Variants in ZNF331 observed in about 807,000 individuals in gnomAD.
ZNF331 encodes the protein zinc finger protein 331, also known as C2H2-like zinc finger protein rearranged in thyroid adenomas.
ZNF331 carries 2 observed loss-of-function variants against 7.0 expected under a neutral mutation model. The ratio of observed to expected loss-of-function variants is 0.29; its 90% CI spans 0.12 to 0.90. The LOEUF is 0.90. Ranked by LOEUF, ZNF331 falls within the 40% of genes least tolerant of loss-of-function variation. The pLI is 0.58. For synonymous variants in ZNF331, 196 were observed against 205.4 expected, an observed-to-expected ratio of 0.95 and a Z score of 0.39; for missense variants, 432 against 587.7, an observed-to-expected ratio of 0.74 and a Z score of 2.74.
At chr19:53,533,755 C>G (rs146144506), upstream of ZNF331, among the ~76,000 whole-genome samples, 404 of 152,234 alleles carry the variant, frequency 2.7e-3, 4 homozygotes, top group African/African-American at 9.0e-3. Context: ...TCTTTCTCTT[C>G]TTATAGTTTT....
At position 53,560,731 on chromosome 19, in the gene ZNF331, C is replaced by T. The variant is rs1474296373; in HGVS notation, c.-74+4823C>T. Among the ~76,000 whole-genome samples, 1 of 152,160 alleles carries T rather than the reference C, an allele frequency of 6.6e-6. No homozygotes were observed. The highest frequency in any genetic ancestry group is 1.5e-5 in the Non-Finnish European group (1 of 68,022). On this transcript the variant is annotated intron_variant, in intron 3 of 5. Coordinates refer to ENST00000449416, the MANE Select transcript of ZNF331 (RefSeq NM_001079906.2). This position sits in a 1 kb window ranked among gnomAD's most constrained non-coding sequence, Gnocchi z 4.3. ...CTTAGTTCGTGACCCCTTCTTCCAT[C>T]AGCAAAGCCTGAAAAGACAAGTCCT...
chr19:53,568,203 C>T (rs1461114925), intron 3 of ZNF331, among the ~76,000 whole-genome samples: 1 of 151,666 alleles, frequency 6.6e-6, no homozygotes, highest in Non-Finnish European at 1.5e-5. Context: ...CGAGATCGTG[C>T]CACTGCACTC....
intron 2 of ZNF331, among the ~76,000 whole-genome samples, chr19:53,527,358 A>G (rs1187719853): frequency 6.6e-6 from 1 of 152,172 alleles, no homozygotes; most frequent in African/African-American, 2.4e-5. Context: ...ACCCTAATTC[A>G]TGAATGCAGG....
chr19:53,519,642 A>T (rs531621413), upstream of ZNF331, among the ~76,000 whole-genome samples: 203 of 152,328 alleles, frequency 1.3e-3, 1 homozygote, highest in African/African-American at 4.7e-3. Flanking sequence ...TCTCCCGCCC[A>T]TACCAAGGTA....
rs745754895 is a variant in ZNF331, at chr19:53,571,618, C to T, written c.24C>T (p.Phe8=). Residue 8 remains phenylalanine, a synonymous_variant, in exon 5 of 6, where the codon TTC becomes TTT. Coordinates refer to ENST00000449416, the MANE Select transcript of ZNF331 (RefSeq NM_001079906.2). This position sits in a 1 kb window ranked among gnomAD's most constrained non-coding sequence, Gnocchi z 4.7. MAQGLVT[F]ADVAIDFSQE... is the part of the protein sequence containing the mutation. Reference sequence around the variant, plus strand: ...TTCTGTTTCAGGGTTTGGTGACGTTCGCCGACGTAGCCATAGACTTTTCTC... The same window carrying T: ...TTCTGTTTCAGGGTTTGGTGACGTTTGCCGACGTAGCCATAGACTTTTCTC... 5.6e-6 allele frequency: 9 copies of T among 1,613,836 alleles called. No homozygotes were observed. Among genetic ancestry groups the T allele is most frequent in the African/African-American group, 2.7e-5 (2 of 74,880 alleles).
chr19:53,535,018 CA>C (rs59509834), upstream of ZNF331, among the ~76,000 whole-genome samples: 15,649 of 127,146 alleles, frequency 0.12, 796 homozygotes, highest in East Asian at 0.18. Context: ...AGCCTGTAAC[CA>C]AAAAAAAAAA....
chr19:53,558,826 A>G lies in ZNF331; in HGVS notation c.-74+2918A>G, dbSNP rs1161753520. ...ACTCATACCCCATATATACACACAT[A>G]TAGGCACCTACATATATACACACCA... On this transcript the variant is annotated intron_variant, in intron 3 of 5. Coordinates refer to ENST00000449416, the MANE Select transcript of ZNF331 (RefSeq NM_001079906.2). The surrounding 1 kb of genome is among the most constrained non-coding windows in gnomAD (Gnocchi z 4.5). Among the ~76,000 whole-genome samples, 2 of 151,766 alleles carry G rather than the reference A, an allele frequency of 1.3e-5. No individual in the cohort carries two copies. The highest frequency in any genetic ancestry group is 2.9e-5 in the Non-Finnish European group (2 of 67,882).
chr19:53,577,276 G>A lies in ZNF331; in HGVS notation c.716G>A (p.Gly239Glu), dbSNP rs1373666067. The change falls in exon 6 of 6, where the codon GGG becomes GAG. Residue 239 changes from glycine (G) to glutamate (E), a missense_variant. Coordinates refer to ENST00000449416, the MANE Select transcript of ZNF331 (RefSeq NM_001079906.2). ...ACTCAGCACCAGAGATTCCACACTGGGGAGAAAGACTACGAATGCAAAGAC... is the reference window on the plus strand; with the variant it reads ...ACTCAGCACCAGAGATTCCACACTGAGGAGAAAGACTACGAATGCAAAGAC... ...ELTQHQRFHT[G>E]EKDYECKDCG... is the part of the protein sequence containing the mutation. 6.2e-7 allele frequency: 1 copy of A among 1,613,632 alleles called. No individual in the cohort carries two copies. Among genetic ancestry groups the A allele is most frequent in the African/African-American group, 1.3e-5 (1 of 74,772 alleles).
intron 2 of ZNF331, among the ~76,000 whole-genome samples, chr19:53,524,333 C>T (rs1340808083): frequency 1.3e-5 from 2 of 152,126 alleles, no homozygotes; most frequent in South Asian, 2.1e-4. Context: ...CTTGAGGAAT[C>T]GCCACACTGT....
chr19:53,579,129 A>G lies in ZNF331; in HGVS notation c.*1177A>G, dbSNP rs1769241087. 1 of 201,444 alleles carries G rather than the reference A, an allele frequency of 5.0e-6. No homozygotes were observed. Among genetic ancestry groups the G allele is most frequent in the African/African-American group, 2.3e-5 (1 of 43,670 alleles). 12.5% of individuals were successfully genotyped at this position (201,444 alleles called of 1,614,324 possible). On this transcript the variant is annotated 3_prime_UTR_variant, in exon 6 of 6. Transcript: ENST00000449416. ...ATCACTCTTCTGCTTACAGAATATC[A>G]GAAGTCATTCTAGAGGCAAATTTGA... is the stretch of plus-strand genomic sequence containing the variant.
the ZNF331 span, among the ~76,000 whole-genome samples, chr19:53,505,578 G>A: frequency 1.3e-5 from 2 of 152,188 alleles, no homozygotes; most frequent in Admixed American, 6.5e-5. Flanking sequence ...GTCAGTAGAC[G>A]CAGGGGTGGG....
intron 2 of ZNF331, among the ~76,000 whole-genome samples, chr19:53,523,803 T>C (rs1024691274): frequency 6.6e-6 from 1 of 152,116 alleles, no homozygotes; most frequent in Non-Finnish European, 1.5e-5. Context: ...CTAGGGTACA[T>C]GTGCACAATA....
upstream of ZNF331, chr19:53,537,777 AG>A (rs1211589252): frequency 2.0e-5 from 3 of 151,900 alleles, no homozygotes; most frequent in African/African-American, 2.4e-5. Context: ...GCTTTGGGAG[AG>A]TGGGAGGAGG....
At chr19:53,552,739 A>G (rs914159838) in intron 2 of ZNF331, among the ~76,000 whole-genome samples, 1 of 152,178 alleles carries the variant, frequency 6.6e-6, no homozygotes, top group African/African-American at 2.4e-5. Context: ...TTTCAAAAAA[A>G]TTAAAAACAG....
At chr19:53,507,733 T>G in the ZNF331 span, among the ~76,000 whole-genome samples, 5 of 152,086 alleles carry the variant, frequency 3.3e-5, no homozygotes, top group Admixed American at 2.0e-4. Flanking sequence ...GTGTGGGGGC[T>G]CCAGCCTGTA....
At chr19:53,549,865 A>G (rs1212630819) in intron 2 of ZNF331, among the ~76,000 whole-genome samples, 1 of 151,230 alleles carries the variant, frequency 6.6e-6, no homozygotes, top group Non-Finnish European at 1.5e-5. Context: ...TTCTTTCGTG[A>G]TATAAGTATT....
intron 1 of ZNF331, chr19:53,522,129 A>C (rs369337243): frequency 6.6e-6 from 1 of 152,108 alleles, no homozygotes; most frequent in African/African-American, 2.4e-5. Flanking sequence ...GGGCAGCTCC[A>C]TGTTTCAGAA....
At chr19:53,565,384 G>A (rs542697353) in intron 3 of ZNF331, among the ~76,000 whole-genome samples, 1 of 152,060 alleles carries the variant, frequency 6.6e-6, no homozygotes, top group Non-Finnish European at 1.5e-5. Flanking sequence ...TTGTAGAGAT[G>A]GGGTCTTGCT....
At chr19:53,514,614 C>T (rs1315668236), upstream of ZNF331, among the ~76,000 whole-genome samples, 3 of 151,972 alleles carry the variant, frequency 2.0e-5, no homozygotes, top group Non-Finnish European at 4.4e-5. Context: ...CAGCTCCGCC[C>T]CAGGCATAGT....
Sources: gnomAD v4.1 joint callset for allele counts (sites outside exome capture counted in the v4.1 genomes callset) on GRCh38, gnomAD v4.1.1 for gene constraint, Gnocchi (gnomAD v3.1) non-coding constraint, MANE v1.5 for transcripts, NCBI Gene and HGNC (gene_info 2026-07-23, HGNC 2026-07-21) for gene names.